The following ABLIM2 variants were observed in gnomAD, a reference collection of about 807,000 sequenced individuals.
The protein encoded by ABLIM2 is actin binding LIM protein family member 2, also known as actin-binding LIM protein 2.
A neutral mutation model predicts 97.7 loss-of-function variants in ABLIM2; 53 were observed. The observed-to-expected ratio is 0.54, with a 90% CI of 0.44 to 0.68. The LOEUF is 0.68. Among genes scored for constraint, ABLIM2 ranks in the 30% least tolerant of loss-of-function variants. ABLIM2 has a pLI of 0.00. For missense variants in ABLIM2, 835 were observed against 867.2 expected (o/e 0.96, Z 0.47); for synonymous variants, 361 against 345.8 (o/e 1.04, Z -0.49).
At chr4:8,053,891 C>A (rs551356886) in intron 8 of ABLIM2, among the ~76,000 whole-genome samples, 192 of 152,274 alleles carry the variant, frequency 1.3e-3, no homozygotes, top group African/African-American at 4.5e-3. Flanking sequence ...GCACCCTGCT[C>A]CTGGATTTCC....
intron 8 of ABLIM2, among the ~76,000 whole-genome samples, chr4:8,047,356 T>TC (rs1793174658): frequency 2.4e-5 from 3 of 123,074 alleles, no homozygotes; most frequent in South Asian, 5.4e-4. Context: ...TGCCACCGCC[T>TC]CTTCCTCCTC....
chr4:7,966,909 G>C lies in ABLIM2; in HGVS notation c.*81C>G. 1 of 731,874 alleles carries C rather than the reference G, an allele frequency of 1.4e-6. No individual in the cohort carries two copies. Among genetic ancestry groups the C allele is most frequent in the Non-Finnish European group, 2.2e-6 (1 of 449,192 alleles). The allele number at this position is 731,874 out of a possible 1,614,324, so 45.3% of individuals were successfully genotyped here. On this transcript the variant is annotated 3_prime_UTR_variant, in exon 21 of 21. Transcript: ENST00000447017. The stretch of plus-strand genomic sequence containing the variant: ...ACACAGAGAAGCCAGAGCAAGGTGT[G>C]TGGGAGGGGTGTGTGCGGTTCTCGC...
rs139311099 is a variant in ABLIM2, at chr4:8,010,496, A to C, written c.1424-1394T>G. The stretch of plus-strand genomic sequence containing the variant: ...TACCCTGCCTCCTGCACCACCAAGG[A>C]CAAGACTGATACCAGGCCAGAGAGC... On this transcript the variant is annotated intron_variant, in intron 14 of 20. Transcript: ENST00000447017. 14 of 985,940 alleles carry C rather than the reference A, an allele frequency of 1.4e-5. No individual in the cohort carries two copies. In the East Asian group the frequency reaches 1.6e-3, roughly 112 times the overall value. 61.1% of individuals were successfully genotyped at this position (985,940 alleles called of 1,614,324 possible).
rs753044836 is a variant in ABLIM2 at position 7,984,902 on chromosome 4, G to C, written c.1681-9C>G. 1.2e-6 allele frequency: 2 copies of C among 1,608,516 alleles called. No homozygotes were observed. Among genetic ancestry groups the C allele is most frequent in the Non-Finnish European group, 1.7e-6 (2 of 1,177,812 alleles). On this transcript the variant is annotated splice_polypyrimidine_tract_variant and intron_variant, in intron 17 of 20. Coordinates refer to ENST00000447017, the MANE Select transcript of ABLIM2 (RefSeq NM_001130083.2). ...GGGGCCAGATTGGCATTCTGGAAGA[G>C]AAAGAGAGGTTGGGCGGCAAGAGAC...
chr4:8,030,366 CG>C (rs1169996918), intron 10 of ABLIM2, among the ~76,000 whole-genome samples: 3 of 152,152 alleles, frequency 2.0e-5, no homozygotes, highest in Non-Finnish European at 4.4e-5. Context: ...CACCATGGCA[CG>C]GGGGAGAGCA....
At chr4:7,987,290 T>A (rs111661994) in intron 17 of ABLIM2, among the ~76,000 whole-genome samples, 2 of 151,492 alleles carry the variant, frequency 1.3e-5, no homozygotes, top group Non-Finnish European at 2.9e-5. Context: ...GCCTGGCTAA[T>A]TAAAAAAAAA....
chr4:8,103,914 G>C (rs1028600000), intron 2 of ABLIM2, among the ~76,000 whole-genome samples: 6 of 152,314 alleles, frequency 3.9e-5, no homozygotes, highest in Non-Finnish European at 5.9e-5. Flanking sequence ...TTTTAAAATA[G>C]GCTTTTAAAA....
At chr4:8,012,330 C>T (rs752847280) in intron 14 of ABLIM2, among the ~76,000 whole-genome samples, 1 of 150,176 alleles carries the variant, frequency 6.7e-6, no homozygotes, top group Non-Finnish European at 1.5e-5. Flanking sequence ...CATCCATCCA[C>T]CCACCCATCC....
intron 1 of ABLIM2, among the ~76,000 whole-genome samples, chr4:8,119,959 A>G (rs1844555355): frequency 6.6e-6 from 1 of 152,106 alleles, no homozygotes; most frequent in African/African-American, 2.4e-5. Context: ...GGTGTCCTAC[A>G]GCTCCTTCCG....
chr4:8,005,550 C>G lies in ABLIM2; in HGVS notation c.1618+2509G>C. The G allele has an allele frequency of 2.1e-6, 1 of 485,324 alleles. No individual in the cohort carries two copies. The highest frequency in any genetic ancestry group is 5.6e-5 in the East Asian group (1 of 17,710). 30.1% of individuals were successfully genotyped at this position (485,324 alleles called of 1,614,324 possible). A position where few individuals can be genotyped will look rare whatever the true frequency, so the allele number is the denominator to read the frequency against. ...CTACTTGGTGACAATCAAAAGAACC[C>G]CGAGAGAAAAAAAAGGGTGGCTCCC... On this transcript the variant is annotated intron_variant, in intron 16 of 20. Transcript: ENST00000447017. The surrounding 1 kb of genome is among the most constrained non-coding windows in gnomAD (Gnocchi z 4.9).
chr4:7,982,893 G>A (rs1739927934), intron 20 of ABLIM2, among the ~76,000 whole-genome samples: 1 of 152,208 alleles, frequency 6.6e-6, no homozygotes, highest in African/African-American at 2.4e-5. Context: ...TAGTAGAGAG[G>A]GGTTTCACCA....
chr4:8,012,739 C>CATCT (rs1225384627), intron 14 of ABLIM2, among the ~76,000 whole-genome samples: 30 of 151,978 alleles, frequency 2.0e-4, no homozygotes, highest in South Asian at 2.1e-4. Context: ...CTCACCTACT[C>CATCT]ATCTATCCAT....
At chr4:8,086,921 C>T (rs993118735) in intron 4 of ABLIM2, among the ~76,000 whole-genome samples, 3 of 151,906 alleles carry the variant, frequency 2.0e-5, no homozygotes, top group Admixed American at 6.6e-5. Context: ...AGCGCCCTCC[C>T]GACCCGGTGG....
intron 8 of ABLIM2, among the ~76,000 whole-genome samples, chr4:8,049,225 C>G (rs1579781250): frequency 6.6e-6 from 1 of 152,210 alleles, no homozygotes; most frequent in Admixed American, 6.5e-5. Flanking sequence ...GTGCTCAATC[C>G]CAGAGCACAC....
Position 7,984,811 on chromosome 4 carries a change from A to C in ABLIM2, c.1735+28T>G, listed in dbSNP as rs1374787511. On this transcript the variant is annotated intron_variant, in intron 18 of 20. Coordinates refer to ENST00000447017, the MANE Select transcript of ABLIM2 (RefSeq NM_001130083.2). ...TGTTAGCGACCCCTGCCCCAGCCAG[A>C]GACCCACAGGGTCCCCGCTCTGTGT... is the stretch of plus-strand genomic sequence containing the variant. The C allele has an allele frequency of 3.2e-6, 5 of 1,570,258 alleles. No homozygotes were observed. In the East Asian group the frequency reaches 1.2e-4, roughly 37 times the overall value.
chr4:8,123,163 C>T lies in ABLIM2; in HGVS notation c.11-16526G>A, dbSNP rs1280019034. ...GGTCTGGACTCCTTAATCCTAATTG[C>T]GGTCCTCAGAGCATTCTTCCCTGGC... On this transcript the variant is annotated intron_variant, in intron 1 of 20. Transcript: ENST00000447017. This position sits in a 1 kb window ranked among gnomAD's most constrained non-coding sequence, Gnocchi z 6.2. Among the ~76,000 whole-genome samples, 1 of 152,230 alleles carries T rather than the reference C, an allele frequency of 6.6e-6. No individual in the cohort carries two copies. The highest frequency in any genetic ancestry group is 1.5e-5 in the Non-Finnish European group (1 of 68,038).
At position 8,003,904 on chromosome 4, in the gene ABLIM2, G is replaced by C. The variant is rs1215556706; in HGVS notation, c.1618+4155C>G. ...CTGATGTCTGCATATTCCATACCTA[G>C]GGGGTCTCACGTCTCTAAGCCTGAG... is the stretch of plus-strand genomic sequence containing the variant. On this transcript the variant is annotated intron_variant, in intron 16 of 20. Coordinates refer to ENST00000447017, the MANE Select transcript of ABLIM2 (RefSeq NM_001130083.2). The surrounding 1 kb of genome is among the most constrained non-coding windows in gnomAD (Gnocchi z 4.2). Among the ~76,000 whole-genome samples the C allele has an allele frequency of 1.3e-5, 2 of 152,082 alleles. No homozygotes were observed. The highest frequency in any genetic ancestry group is 2.9e-5 in the Non-Finnish European group (2 of 68,004).
chr4:8,109,984 G>T (rs1246491215), intron 1 of ABLIM2, among the ~76,000 whole-genome samples: 1 of 152,244 alleles, frequency 6.6e-6, no homozygotes, highest in African/African-American at 2.4e-5. Context: ...AATAAAGATG[G>T]TGGGGAGGGT....
chr4:8,032,079 C>T lies in ABLIM2; in HGVS notation c.1048-2303G>A, dbSNP rs1185363038. On this transcript the variant is annotated intron_variant, in intron 10 of 20. Transcript: ENST00000447017. The surrounding 1 kb of genome is among the most constrained non-coding windows in gnomAD (Gnocchi z 4.3). ...ACAGGGGAAGAGCTCAGGGCACGGT[C>T]ACTGCCCAGGCTGTCTATTCCTGGC... is the stretch of plus-strand genomic sequence containing the variant. Among the ~76,000 whole-genome samples, 1 of 152,100 alleles carries T rather than the reference C, an allele frequency of 6.6e-6. No homozygotes were observed. The highest frequency in any genetic ancestry group is 1.5e-5 in the Non-Finnish European group (1 of 68,028).
Sources: allele counts gnomAD v4.1 joint callset (sites outside exome capture counted in the v4.1 genomes callset), GRCh38; gene constraint gnomAD v4.1.1; non-coding constraint Gnocchi (gnomAD v3.1); transcripts MANE v1.5; gene names NCBI Gene and HGNC (gene_info 2026-07-23, HGNC 2026-07-21).